Variants in SBNO1 observed in about 807,000 individuals in gnomAD.
The protein encoded by SBNO1 is protein strawberry notch homolog 1.
SBNO1 carries 23 observed loss-of-function variants against 173.6 expected under a neutral mutation model. That is an observed-to-expected ratio of 0.13 (90% CI 0.10 to 0.19). The LOEUF (loss-of-function observed/expected upper bound fraction) is 0.19. Ranked by LOEUF, SBNO1 falls within the 10% of genes least tolerant of loss-of-function variation. SBNO1 has a pLI of 1.00. For synonymous variants in SBNO1, 632 were observed against 571.5 expected (o/e 1.11, Z -1.51); for missense variants, 1,238 against 1,671.2 (o/e 0.74, Z 4.52).
At chr12:123,345,204 T>G in intron 4 of SBNO1, 54 bp downstream of exon 4, 2 of 1,441,592 alleles carry the variant, frequency 1.4e-6, no homozygotes, top group Non-Finnish European at 1.9e-6. Flanking sequence ...TAAAAAAACA[T>G]GCTGACATAG....
At chr12:123,302,250 GT>G (rs373345227) in intron 30 of SBNO1, among the ~76,000 whole-genome samples, 6,499 of 100,604 alleles carry the variant, frequency 0.065, 264 homozygotes, top group East Asian at 0.3. Flanking sequence ...TTTTTTTTTT[GT>G]TTTTTTTTTT....
intron 1 of SBNO1, among the ~76,000 whole-genome samples, chr12:123,362,124 A>C (rs1399502843): frequency 2.0e-5 from 3 of 149,434 alleles, no homozygotes; most frequent in East Asian, 2.0e-4. Context: ...TGGGCGAGAG[A>C]GCGAGACTCC....
chr12:123,357,497 C>G (rs1874596805), intron 1 of SBNO1, among the ~76,000 whole-genome samples: 1 of 151,904 alleles, frequency 6.6e-6, no homozygotes, highest in Non-Finnish European at 1.5e-5. Flanking sequence ...AATTCTAGCA[C>G]TTTGGTAGGC....
At chr12:123,359,859 T>C (rs1379849842) in intron 1 of SBNO1, among the ~76,000 whole-genome samples, 1 of 152,168 alleles carries the variant, frequency 6.6e-6, no homozygotes, top group Non-Finnish European at 1.5e-5. Flanking sequence ...AATCAGCATA[T>C]AAAAACAAAG....
chr12:123,313,201 A>AAAAG (rs1160176239), intron 24 of SBNO1, among the ~76,000 whole-genome samples: 1 of 138,328 alleles, frequency 7.2e-6, no homozygotes, highest in East Asian at 2.1e-4. Context: ...ACTCGGTCTT[A>AAAAG]AAATAAATAA....
chr12:123,352,982 G>C (rs1334673795), intron 1 of SBNO1, among the ~76,000 whole-genome samples: 1 of 152,148 alleles, frequency 6.6e-6, no homozygotes, highest in Non-Finnish European at 1.5e-5. Flanking sequence ...TATTTTAGTA[G>C]AGATGGGGTT....
Position 123,298,318 on chromosome 12 carries a change from G to A in SBNO1, c.3846-147C>T, listed in dbSNP as rs1456381496. On this transcript the variant is annotated intron_variant, in intron 30 of 31. Transcript: ENST00000602398. The stretch of plus-strand genomic sequence containing the variant: ...TTTTGCTCTTGTTGCCCAGACTGGA[G>A]CGCAGTGGTGCGATCTCGGCTCATT... 10 of 758,860 alleles carry A rather than the reference G, an allele frequency of 1.3e-5. No individual in the cohort carries two copies. In the East Asian group the frequency reaches 3.0e-4, roughly 22 times the overall value. 47.0% of individuals were successfully genotyped at this position (758,860 alleles called of 1,614,324 possible).
At position 123,343,826 on chromosome 12, in the gene SBNO1, G is replaced by A. The variant is rs78770656; in HGVS notation, c.550+1432C>T. ...GCTGGGATTACAGGCATGAGCCACC[G>A]CGTCCGGCCCATCTTTGTTTCTTAG... On this transcript the variant is annotated intron_variant, in intron 4 of 31. Coordinates refer to ENST00000602398, the MANE Select transcript of SBNO1 (RefSeq NM_001167856.3). 2.8e-3 allele frequency among the ~76,000 whole-genome samples: 432 copies of A among 152,148 alleles called. 4 individuals are homozygous for A. The highest frequency in any genetic ancestry group is 3.1e-3 in the Admixed American group (48 of 15,262).
chr12:123,302,757 G>C, intron 30 of SBNO1, 67 bp downstream of exon 30: 1 of 934,332 alleles, frequency 1.1e-6, no homozygotes, highest in Non-Finnish European at 1.8e-6. Context: ...TACTGATAAA[G>C]AGTGAAGGTG....
intron 1 of SBNO1, chr12:123,364,259 G>C: frequency 1.0e-6 from 1 of 985,602 alleles, no homozygotes; most frequent in South Asian, 4.7e-5. Context: ...CAATGCTGGG[G>C]CACGAAAGAG....
rs374595184 is a variant in SBNO1, at chr12:123,321,636, T to C, written c.2222A>G (p.Asp741Gly). The change falls in exon 17 of 32, where the codon GAT becomes GGT. Residue 741 changes from aspartate (D) to glycine (G), a missense_variant. Physicochemically the swap from Asp to Gly is moderately conservative, Grantham distance 94. Around this residue, in one of 14 missense-constraint regions of SBNO1, gnomAD observed 81 missense variants for 82.6 expected, o/e 0.98. Coordinates refer to ENST00000602398, the MANE Select transcript of SBNO1 (RefSeq NM_001167856.3). Reference protein sequence around the residue: ...DDSGSESDASDNEESDYESSK... With the variant: ...DDSGSESDASGNEESDYESSK... ...GCTCTCATAGTCACTTTCTTCATTA[T>C]CAGAGGCATCAGATTCACTTCCACT... The C allele has an allele frequency of 2.4e-4, 385 of 1,613,938 alleles. 2 individuals are homozygous for C. Among genetic ancestry groups the C allele is most frequent in the Non-Finnish European group, 3.2e-4 (376 of 1,179,930 alleles).
chr12:123,320,567 A>C lies in SBNO1; in HGVS notation c.2532T>G (p.Ser844Arg). 2 of 1,614,122 alleles carry C rather than the reference A, an allele frequency of 1.2e-6. No individual in the cohort carries two copies. The highest frequency in any genetic ancestry group is 1.7e-6 in the Non-Finnish European group (2 of 1,179,982). Residue 844 changes from serine (S) to arginine (R), a missense_variant, in exon 19 of 32, where the codon AGT becomes AGG. Ser to Arg is a moderately radical substitution (Grantham distance 110). Transcript: ENST00000602398. ...NTNSNSSLIT[S>R]QDAVERAQQM... ...GCTGAGCCCTTTCCACAGCATCCTG[A>C]CTTGTTATAAGGCTACTGTTACTGT...
chr12:123,300,843 T>C (rs72487570), intron 30 of SBNO1, among the ~76,000 whole-genome samples: 7,123 of 139,018 alleles, frequency 0.051, 286 homozygotes, highest in East Asian at 0.27. Context: ...ACTGTAGTCC[T>C]AGCTACTCGG....
At chr12:123,319,854 T>G (rs759145656) in intron 20 of SBNO1, 46 bp downstream of exon 20, 3 of 1,558,282 alleles carry the variant, frequency 1.9e-6, no homozygotes, top group Admixed American at 3.4e-5. Context: ...AATCTAAATA[T>G]ACAGGCATTG....
chr12:123,345,632 C>A lies in SBNO1; in HGVS notation c.238-62G>T, dbSNP rs1028913804. ...CTTCATTCTCTAATGAAGCTTATAT[C>A]CACAAACCTGGAAGGACAACTAAAA... On this transcript the variant is annotated intron_variant, in intron 3 of 31. Transcript: ENST00000602398. The A allele has an allele frequency of 6.5e-6, 9 of 1,378,530 alleles. No individual in the cohort carries two copies. In the South Asian group the frequency reaches 1.0e-4, roughly 16 times the overall value. The allele number at this position is 1,378,530 out of a possible 1,614,324, so 85.4% of individuals were successfully genotyped here.
At chr12:123,312,290 G>T (rs942291952) in intron 24 of SBNO1, among the ~76,000 whole-genome samples, 8 of 152,138 alleles carry the variant, frequency 5.3e-5, no homozygotes, top group African/African-American at 1.9e-4. Context: ...AAGGTGTAGG[G>T]TTAAGACTTT....
At chr12:123,360,895 G>A (rs1875074061) in intron 1 of SBNO1, among the ~76,000 whole-genome samples, 1 of 152,050 alleles carries the variant, frequency 6.6e-6, no homozygotes, top group Admixed American at 6.5e-5. Context: ...GGCAGATCAC[G>A]AGGTCAGGAG....
In SBNO1 at chr12:123,292,298, C is replaced by A. The variant is rs912611639; in HGVS notation, c.*3610G>T. ...TTCTTAGAAACTACCAAGTATCACA[C>A]AGGTACATGTGTATGGGGACCTTCC... On this transcript the variant is annotated 3_prime_UTR_variant, in exon 32 of 32. Coordinates refer to ENST00000602398, the MANE Select transcript of SBNO1 (RefSeq NM_001167856.3). 6.6e-6 allele frequency: 1 copy of A among 152,160 alleles called. No individual in the cohort carries two copies. The highest frequency in any genetic ancestry group is 1.9e-4 in the East Asian group (1 of 5,196). 9.4% of individuals were successfully genotyped at this position (152,160 alleles called of 1,614,324 possible). A position where few individuals can be genotyped will look rare whatever the true frequency, so the allele number is the denominator to read the frequency against.
chr12:123,364,560 GCAA>G (rs1875897117), intron 1 of SBNO1, 138 bp downstream of exon 1: 1 of 983,830 alleles, frequency 1.0e-6, no homozygotes. Context: ...GCGAGGAGCG[GCAA>G]GCGGCGAGGG....
Sources: allele counts gnomAD v4.1 joint callset (sites outside exome capture counted in the v4.1 genomes callset), GRCh38; gene constraint gnomAD v4.1.1; regional missense constraint gnomAD v4.1.1; transcripts MANE v1.5; gene names NCBI Gene and HGNC (gene_info 2026-07-23, HGNC 2026-07-21).